The following PPIL6 variants were observed in gnomAD, a reference collection of about 807,000 sequenced individuals.
PPIL6 encodes the protein peptidylprolyl isomerase like 6, also known as probable inactive peptidyl-prolyl cis-trans isomerase-like 6.
In PPIL6, 39 loss-of-function variants were observed where a neutral mutation model predicts 36.8. The observed-to-expected ratio is 1.06, with a 90% CI of 0.82 to 1.38. The LOEUF (loss-of-function observed/expected upper bound fraction) is 1.38. Among genes scored for constraint, PPIL6 ranks in the 40% most tolerant of loss-of-function variants. The probability of loss-of-function intolerance (pLI) is 0.00; values close to 1 mark genes in which losing one functional copy is unlikely to be tolerated. For missense variants in PPIL6, 368 were observed against 379.1 expected, an observed-to-expected ratio of 0.97 and a Z score of 0.24; for synonymous variants, 123 against 134.1, an observed-to-expected ratio of 0.92 and a Z score of 0.57.
chr6:109,397,087 T>C (rs1772332879), intron 7 of PPIL6, among the ~76,000 whole-genome samples: 1 of 150,004 alleles, frequency 6.7e-6, no homozygotes, highest in Non-Finnish European at 1.5e-5. Context: ...GTTTTACATT[T>C]CTGCTTCTCC....
At chr6:109,434,032 A>T (rs1774310534) in intron 2 of PPIL6, among the ~76,000 whole-genome samples, 1 of 152,234 alleles carries the variant, frequency 6.6e-6, no homozygotes, top group Non-Finnish European at 1.5e-5. Context: ...GGTGCAAACC[A>T]CAAACCATGA....
chr6:109,430,433 T>C lies in PPIL6; in HGVS notation c.420+724A>G, dbSNP rs540772428. On this transcript the variant is annotated intron_variant, in intron 3 of 7. Transcript: ENST00000521072. ...GCTCTTGCTAACTATGTGTTCATGC[T>C]TTTTTTTTTTTTTGAGACGGAGTCT... 6.5e-4 allele frequency among the ~76,000 whole-genome samples: 42 copies of C among 64,670 alleles called. No homozygotes were observed. In the East Asian group the frequency reaches 0.019, roughly 29 times the overall value. 42.4% of individuals were successfully genotyped at this position (64,670 alleles called of 152,430 possible).
intron 3 of PPIL6, among the ~76,000 whole-genome samples, chr6:109,429,156 T>C (rs1240280707): frequency 6.6e-6 from 1 of 152,206 alleles, no homozygotes; most frequent in Non-Finnish European, 1.5e-5. Context: ...AAATCTATTG[T>C]CTCTGGAACG....
chr6:109,408,044 TA>T (rs1224543837), intron 6 of PPIL6, among the ~76,000 whole-genome samples: 2 of 152,202 alleles, frequency 1.3e-5, no homozygotes, highest in Non-Finnish European at 2.9e-5. Flanking sequence ...CTCTTATTAT[TA>T]ATATTTGGTT....
At chr6:109,429,985 T>C (rs972444641) in intron 3 of PPIL6, among the ~76,000 whole-genome samples, 1 of 152,214 alleles carries the variant, frequency 6.6e-6, no homozygotes, top group Non-Finnish European at 1.5e-5. Context: ...TCCCAGGGCA[T>C]GTACAGCTAG....
intron 7 of PPIL6, among the ~76,000 whole-genome samples, chr6:109,396,124 G>A (rs1217478629): frequency 1.3e-5 from 2 of 152,086 alleles, no homozygotes; most frequent in Admixed American, 1.3e-4. Flanking sequence ...ACTTCTCAAT[G>A]TCTTGAGTTT....
At chr6:109,419,343 G>A (rs1402844954) in intron 5 of PPIL6, 100 bp from the exon 6 acceptor site, 1 of 749,824 alleles carries the variant, frequency 1.3e-6, no homozygotes, top group Admixed American at 2.0e-5. Flanking sequence ...ATGATTTCAA[G>A]GCTGAGGTGG....
At chr6:109,399,955 A>G in intron 7 of PPIL6, 80 bp downstream of exon 7, 1 of 1,228,980 alleles carries the variant, frequency 8.1e-7, no homozygotes, top group East Asian at 2.4e-5. Flanking sequence ...TATACACTAT[A>G]TACAATACTT....
At chr6:109,392,985 T>C (rs1772151081) in intron 7 of PPIL6, 48 bp from the exon 8 acceptor site, 2 of 1,109,372 alleles carry the variant, frequency 1.8e-6, no homozygotes, top group Non-Finnish European at 2.7e-6. Context: ...TAAGTTTTCA[T>C]ATTTAGCTTA....
intron 7 of PPIL6, among the ~76,000 whole-genome samples, chr6:109,394,884 C>T (rs1582516439): frequency 1.3e-5 from 2 of 152,320 alleles, no homozygotes; most frequent in African/African-American, 2.4e-5. Flanking sequence ...AGCTCTGACT[C>T]AGCTTGAATA....
intron 5 of PPIL6, 91 bp downstream of exon 5, chr6:109,426,756 T>C: frequency 1.2e-6 from 1 of 862,334 alleles, no homozygotes; most frequent in East Asian, 2.6e-5. Context: ...TAAGTATATC[T>C]AATTCTACAT....
At chr6:109,409,213 T>A (rs2115216985) in intron 6 of PPIL6, among the ~76,000 whole-genome samples, 1 of 152,310 alleles carries the variant, frequency 6.6e-6, no homozygotes, top group East Asian at 1.9e-4. Context: ...CTCCTAGTAC[T>A]ATGTAGCTAG....
rs35305087 is a variant in PPIL6 at position 109,395,831 on chromosome 6, CTT to C, written c.825-2896_825-2895del. Among the ~76,000 whole-genome samples, 368 of 106,530 alleles carry C rather than the reference CTT, an allele frequency of 3.5e-3. 2 individuals are homozygous for C. Among genetic ancestry groups the C allele is most frequent in the African/African-American group, 0.013 (326 of 25,518 alleles). 69.9% of individuals were successfully genotyped at this position (106,530 alleles called of 152,430 possible). The stretch of plus-strand genomic sequence containing the variant: ...ATGTTGGCCAGGATGGTCTCGATCT[CTT>C]TTTTTTTTTTTTTTTTTCCTGAGAC... On this transcript the variant is annotated intron_variant, in intron 7 of 7. Coordinates refer to ENST00000521072, the MANE Select transcript of PPIL6 (RefSeq NM_173672.5).
At chr6:109,431,456 T>G in intron 2 of PPIL6, 111 bp from the exon 3 acceptor site, 1 of 581,744 alleles carries the variant, frequency 1.7e-6, no homozygotes, top group Non-Finnish European at 2.7e-6. Flanking sequence ...TTGTCAACTC[T>G]AGTATTGAAT....
chr6:109,437,131 T>C (rs907086633), intron 1 of PPIL6, among the ~76,000 whole-genome samples: 2 of 152,240 alleles, frequency 1.3e-5, no homozygotes, highest in Admixed American at 6.5e-5. Flanking sequence ...AAATTCTTAT[T>C]GGTTAGCAAT....
chr6:109,422,219 C>T (rs1227246457), intron 5 of PPIL6, among the ~76,000 whole-genome samples: 2 of 152,042 alleles, frequency 1.3e-5, no homozygotes, highest in Non-Finnish European at 2.9e-5. Flanking sequence ...GGCATGTGCC[C>T]GTAATCCCTG....
At chr6:109,430,398 G>A (rs9480957) in intron 3 of PPIL6, among the ~76,000 whole-genome samples, 49,489 of 151,514 alleles carry the variant, frequency 0.33, 8,073 homozygotes, top group Middle Eastern at 0.41. Flanking sequence ...GGCACAGCCT[G>A]TCTGGGCTTG....
At chr6:109,399,306 G>A (rs557703132) in intron 7 of PPIL6, among the ~76,000 whole-genome samples, 7 of 152,028 alleles carry the variant, frequency 4.6e-5, no homozygotes, top group East Asian at 1.9e-4. Flanking sequence ...ATGGGGTTTC[G>A]CCATGTTGGC....
At chr6:109,418,016 G>A (rs1270232427) in intron 6 of PPIL6, 1 of 152,236 alleles carries the variant, frequency 6.6e-6, no homozygotes, top group Non-Finnish European at 1.5e-5. Context: ...TATATAGGGT[G>A]ACATTAGTTT....
Sources: gnomAD v4.1 joint callset for allele counts (sites outside exome capture counted in the v4.1 genomes callset) on GRCh38, gnomAD v4.1.1 for gene constraint, MANE v1.5 for transcripts, NCBI Gene and HGNC (gene_info 2026-07-23, HGNC 2026-07-21) for gene names.